The following KATNAL1 variants were observed in gnomAD, a reference collection of about 807,000 sequenced individuals.
The protein encoded by KATNAL1 is katanin p60 ATPase-containing subunit A-like 1.
KATNAL1 carries 32 observed loss-of-function variants against 55.2 expected under a neutral mutation model. The ratio of observed to expected loss-of-function variants is 0.58; its 90% CI spans 0.44 to 0.78. The LOEUF (loss-of-function observed/expected upper bound fraction) is 0.78, where lower values mean the gene tolerates loss of function less well. Among genes scored for constraint, KATNAL1 ranks in the 30% least tolerant of loss-of-function variants. KATNAL1 has a pLI of 0.00. For synonymous variants in KATNAL1, 193 were observed against 193.6 expected (o/e 1.00, Z 0.02); for missense variants, 466 against 600.9 (o/e 0.78, Z 2.35).
intron 4 of KATNAL1, among the ~76,000 whole-genome samples, chr13:30,244,005 C>T (rs1353410264): frequency 6.6e-6 from 1 of 151,940 alleles, no homozygotes; most frequent in South Asian, 2.1e-4. Context: ...TAGGTATACA[C>T]GTGCCATGGT....
chr13:30,222,453 A>T (rs1388405096), intron 9 of KATNAL1, among the ~76,000 whole-genome samples: 1 of 152,098 alleles, frequency 6.6e-6, no homozygotes, highest in South Asian at 2.1e-4. Context: ...TTATATATAC[A>T]CATCCTGTTG....
chr13:30,211,922 A>G (rs1873728155), intron 9 of KATNAL1, among the ~76,000 whole-genome samples: 1 of 152,252 alleles, frequency 6.6e-6, no homozygotes, highest in South Asian at 2.1e-4. Flanking sequence ...CCGAAGCATA[A>G]TTACAGACAC....
intron 3 of KATNAL1, among the ~76,000 whole-genome samples, chr13:30,275,642 GCAAGGTGACTGTA>G (rs1880787371): frequency 1.3e-5 from 2 of 152,136 alleles, no homozygotes; most frequent in South Asian, 4.1e-4. Context: ...CTAATGTACA[GCAAGGTGACTGTA>G]GTTAACAATA....
intron 3 of KATNAL1, among the ~76,000 whole-genome samples, chr13:30,269,391 G>A (rs1377204494): frequency 3.3e-5 from 5 of 152,222 alleles, no homozygotes; most frequent in Non-Finnish European, 1.5e-5. Context: ...GTGCTCAATG[G>A]TGCCCAGGCT....
At chr13:30,304,528 A>G (rs1883064541) in intron 1 of KATNAL1, among the ~76,000 whole-genome samples, 2 of 152,272 alleles carry the variant, frequency 1.3e-5, no homozygotes, top group Admixed American at 6.5e-5. Flanking sequence ...TCAGCCTTCC[A>G]AAGTGCTGGG....
At chr13:30,286,437 C>A (rs1272645245) in intron 1 of KATNAL1, among the ~76,000 whole-genome samples, 1 of 152,250 alleles carries the variant, frequency 6.6e-6, no homozygotes, top group African/African-American at 2.4e-5. Context: ...AGGGTACAAG[C>A]CCCAAGTTTT....
At chr13:30,274,891 A>ACGCGCGCGCGCGTG (rs371121115) in intron 3 of KATNAL1, among the ~76,000 whole-genome samples, 6 of 122,192 alleles carry the variant, frequency 4.9e-5, no homozygotes, top group South Asian at 2.5e-4. Context: ...GCACACACAT[A>ACGCGCGCGCGCGTG]CGCGCGCGCG....
In KATNAL1 at chr13:30,205,679, GCA is replaced by G. The variant is rs1873048881; in HGVS notation, c.*2859_*2860del. 1 of 145,130 alleles carries G rather than the reference GCA, an allele frequency of 6.9e-6. No homozygotes were observed. Among genetic ancestry groups the G allele is most frequent in the Non-Finnish European group, 1.5e-5 (1 of 68,126 alleles). The allele number at this position is 145,130 out of a possible 1,614,324, so 9.0% of individuals were successfully genotyped here. A position where few individuals can be genotyped will look rare whatever the true frequency, so the allele number is the denominator to read the frequency against. On this transcript the variant is annotated 3_prime_UTR_variant, in exon 11 of 11. Transcript: ENST00000380615. ...GATGTACATTAAAAGTTAGGGCTGG[GCA>G]CAGTGGCTCACGCCTGTAATCCAAG...
At chr13:30,259,065 C>G (rs1034556510) in intron 3 of KATNAL1, among the ~76,000 whole-genome samples, 2 of 152,212 alleles carry the variant, frequency 1.3e-5, no homozygotes, top group African/African-American at 4.8e-5. Context: ...AAGGGTCGGA[C>G]ACAGTGGCTC....
At chr13:30,274,434 TA>T (rs55974120) in intron 3 of KATNAL1, among the ~76,000 whole-genome samples, 11 of 151,620 alleles carry the variant, frequency 7.3e-5, no homozygotes, top group South Asian at 2.1e-4. Context: ...AATTTGATCT[TA>T]AAAAAAAATC....
chr13:30,251,063 A>G (rs1369290554), intron 4 of KATNAL1, among the ~76,000 whole-genome samples: 1 of 148,618 alleles, frequency 6.7e-6, no homozygotes, highest in Non-Finnish European at 1.5e-5. Context: ...GTGTGAACCC[A>G]GGAGGCAGAG....
chr13:30,226,023 A>C (rs960310550), intron 9 of KATNAL1, among the ~76,000 whole-genome samples: 1 of 152,238 alleles, frequency 6.6e-6, no homozygotes, highest in African/African-American at 2.4e-5. Flanking sequence ...TAAAAAGCAC[A>C]TAAAAAGGTA....
At chr13:30,277,848 T>C (rs1880960964) in intron 3 of KATNAL1, among the ~76,000 whole-genome samples, 1 of 150,564 alleles carries the variant, frequency 6.6e-6, no homozygotes, top group Non-Finnish European at 1.5e-5. Flanking sequence ...CCGGGCGTAG[T>C]GGCGGGCGCC....
At chr13:30,287,710 C>T (rs1318993168) in intron 1 of KATNAL1, among the ~76,000 whole-genome samples, 2 of 152,072 alleles carry the variant, frequency 1.3e-5, no homozygotes, top group Admixed American at 1.3e-4. Flanking sequence ...TTAATAAATC[C>T]AGTAGAAACA....
chr13:30,235,507 C>T (rs1876562964), intron 6 of KATNAL1, among the ~76,000 whole-genome samples: 1 of 152,250 alleles, frequency 6.6e-6, no homozygotes, highest in African/African-American at 2.4e-5. Flanking sequence ...ACTACCACAT[C>T]AAGAATCAAA....
At chr13:30,261,392 C>A (rs1250739544) in intron 3 of KATNAL1, among the ~76,000 whole-genome samples, 1 of 152,068 alleles carries the variant, frequency 6.6e-6, no homozygotes. Flanking sequence ...TGTAAATGGA[C>A]TAAATGCTCC....
intron 3 of KATNAL1, among the ~76,000 whole-genome samples, chr13:30,259,816 AGG>A (rs1879118881): frequency 6.6e-6 from 1 of 152,232 alleles, no homozygotes. Flanking sequence ...ACCATTGCCC[AGG>A]CTTGCTTAGG....
intron 9 of KATNAL1, among the ~76,000 whole-genome samples, chr13:30,218,385 A>G (rs1422199195): frequency 6.6e-6 from 1 of 152,088 alleles, no homozygotes. Flanking sequence ...AGTTGCTGCC[A>G]TAATTTAGAT....
At chr13:30,247,053 T>C (rs1194769894) in intron 4 of KATNAL1, among the ~76,000 whole-genome samples, 1 of 152,192 alleles carries the variant, frequency 6.6e-6, no homozygotes. Flanking sequence ...TAGGTACTCT[T>C]ATTATTTCCA....
Sources: gnomAD v4.1 joint callset for allele counts (sites outside exome capture counted in the v4.1 genomes callset) on GRCh38, gnomAD v4.1.1 for gene constraint, MANE v1.5 for transcripts, NCBI Gene and HGNC (gene_info 2026-07-23, HGNC 2026-07-21) for gene names.